Variants in UBE2E1 observed in about 807,000 individuals in gnomAD.
The protein encoded by UBE2E1 is ubiquitin conjugating enzyme E2 E1.
In UBE2E1, 6 loss-of-function variants were observed where a neutral mutation model predicts 21.4. The ratio of observed to expected loss-of-function variants is 0.28; its 90% confidence interval spans 0.15 to 0.55. The LOEUF (loss-of-function observed/expected upper bound fraction) is 0.55, where lower values mean the gene tolerates loss of function less well. Ranked by LOEUF, UBE2E1 falls within the 20% of genes least tolerant of loss-of-function variation. The pLI is 0.93. For synonymous variants in UBE2E1, 87 were observed against 82.7 expected (o/e 1.05, Z -0.28); for missense variants, 142 against 236.5 (o/e 0.60, Z 2.62).
chr3:23,869,194 G>C (rs749518212), intron 3 of UBE2E1, among the ~76,000 whole-genome samples: 10 of 152,094 alleles, frequency 6.6e-5, no homozygotes, highest in Non-Finnish European at 4.4e-5. Flanking sequence ...GTCTAAGTAA[G>C]ATTGTGCATC....
At position 23,846,093 on chromosome 3, in the gene UBE2E1, G is replaced by A. The variant is rs556547093; in HGVS notation, c.203+34583G>A. Among the ~76,000 whole-genome samples the A allele has an allele frequency of 9.2e-5, 14 of 152,220 alleles. 1 individual carries two copies. In the South Asian group the frequency reaches 1.7e-3, roughly 18 times the overall value. On this transcript the variant is annotated intron_variant, in intron 3 of 5. Transcript: ENST00000306627. ...ATCTGATAGTTAACTGTCATTCTCT[G>A]TATTATTTGGGAAAAGTTCTTACAT...
In UBE2E1 at chr3:23,810,223, TAGG is replaced by T. The variant is rs1404932766; in HGVS notation, c.153-1229_153-1227del. Among the ~76,000 whole-genome samples, 2 of 152,052 alleles carry T rather than the reference TAGG, an allele frequency of 1.3e-5. No homozygotes were observed. Among genetic ancestry groups the T allele is most frequent in the Admixed American group, 6.6e-5 (1 of 15,262 alleles). On this transcript the variant is annotated intron_variant, in intron 2 of 5. Transcript: ENST00000306627. The surrounding 1 kb of genome is among the most constrained non-coding windows in gnomAD (Gnocchi z 5.8). ...CATAGCCCCATTGGGCTTTATATGATAGGAGGAGGAAAGGTTATAAAATTAGGC... is the reference window on the plus strand; with the variant it reads ...CATAGCCCCATTGGGCTTTATATGATAGGAGGAAAGGTTATAAAATTAGGC...
chr3:23,889,684 T>C, intron 5 of UBE2E1: 6 of 985,408 alleles, frequency 6.1e-6, no homozygotes, highest in Non-Finnish European at 7.2e-6. Flanking sequence ...CACTCAATTT[T>C]GAAAATGGTA....
intron 3 of UBE2E1, among the ~76,000 whole-genome samples, chr3:23,852,284 CTTAAT>C (rs556216799): frequency 6.2e-4 from 95 of 152,106 alleles, no homozygotes; most frequent in Non-Finnish European, 1.2e-3. Flanking sequence ...TTATATTTCC[CTTAAT>C]TTATTTCAAT....
At chr3:23,855,260 C>T (rs1700409966) in intron 3 of UBE2E1, among the ~76,000 whole-genome samples, 1 of 152,142 alleles carries the variant, frequency 6.6e-6, no homozygotes. Context: ...ACCATTCTTA[C>T]TAGTTTATGT....
chr3:23,872,218 C>T (rs1175011972), intron 3 of UBE2E1, among the ~76,000 whole-genome samples: 5 of 151,952 alleles, frequency 3.3e-5, no homozygotes, highest in African/African-American at 4.8e-5. Flanking sequence ...CAAAAAAATA[C>T]GAAAACCAGT....
At chr3:23,873,193 G>T (rs1450499585) in intron 3 of UBE2E1, among the ~76,000 whole-genome samples, 1 of 152,174 alleles carries the variant, frequency 6.6e-6, no homozygotes, top group Non-Finnish European at 1.5e-5. Flanking sequence ...GTGAGAAAAT[G>T]GGAGTAAAAA....
At chr3:23,881,611 A>G (rs1162043669) in intron 3 of UBE2E1, among the ~76,000 whole-genome samples, 1 of 152,194 alleles carries the variant, frequency 6.6e-6, no homozygotes, top group South Asian at 2.1e-4. Context: ...GAGATGACCC[A>G]GTTTAGAGAA....
At chr3:23,859,577 G>C (rs1377533660) in intron 3 of UBE2E1, among the ~76,000 whole-genome samples, 2 of 152,264 alleles carry the variant, frequency 1.3e-5, no homozygotes, top group Non-Finnish European at 2.9e-5. Context: ...AGCAAATGGA[G>C]TGGCCTTTGT....
At chr3:23,878,882 A>G (rs1202492117) in intron 3 of UBE2E1, 1 of 335,116 alleles carries the variant, frequency 3.0e-6, no homozygotes, top group Non-Finnish European at 5.8e-6. Flanking sequence ...CAATAAATAC[A>G]ATGCACTTGA....
chr3:23,817,185 G>A lies in UBE2E1; in HGVS notation c.203+5675G>A, dbSNP rs148896580. 3.0e-3 allele frequency among the ~76,000 whole-genome samples: 456 copies of A among 152,268 alleles called. 3 individuals are homozygous for A. The highest frequency in any genetic ancestry group is 9.9e-3 in the African/African-American group (412 of 41,540). ...AAGCTGGGCATGGTGGCTCACGCCT[G>A]TAATCCCAGCACTTTGGGAGGCCAA... On this transcript the variant is annotated intron_variant, in intron 3 of 5. Transcript: ENST00000306627.
chr3:23,849,507 T>C (rs1006661421), intron 3 of UBE2E1, among the ~76,000 whole-genome samples: 3 of 152,132 alleles, frequency 2.0e-5, no homozygotes, highest in Non-Finnish European at 4.4e-5. Flanking sequence ...TCCCTCCCCT[T>C]ACCCCTCACC....
rs1231957926 is a variant in UBE2E1, at chr3:23,839,372, G to T, written c.203+27862G>T. ...TCAGCTACTTGGGAGGCTGAGGTAG[G>T]AGAATCACTTGAACCCAAGAGGCAG... is the stretch of plus-strand genomic sequence containing the variant. On this transcript the variant is annotated intron_variant, in intron 3 of 5. Transcript: ENST00000306627. 2.0e-5 allele frequency among the ~76,000 whole-genome samples: 3 copies of T among 151,908 alleles called. No individual in the cohort carries two copies. The East Asian group carries it at 5.8e-4, about 29-fold the overall frequency.
intron 3 of UBE2E1, among the ~76,000 whole-genome samples, chr3:23,822,313 A>G (rs1467333677): frequency 2.0e-5 from 3 of 152,230 alleles, no homozygotes; most frequent in African/African-American, 7.2e-5. Flanking sequence ...TACTCTTCCT[A>G]GTTAAAATAT....
chr3:23,872,482 A>G (rs1335270795), intron 3 of UBE2E1, among the ~76,000 whole-genome samples: 3 of 152,122 alleles, frequency 2.0e-5, no homozygotes, highest in Non-Finnish European at 2.9e-5. Flanking sequence ...TGGTTAACCA[A>G]TTACACCAAA....
chr3:23,860,742 ATATG>A (rs1268130191), intron 3 of UBE2E1, among the ~76,000 whole-genome samples: 1 of 152,236 alleles, frequency 6.6e-6, no homozygotes, highest in African/African-American at 2.4e-5. Context: ...TTTTTAAAGA[ATATG>A]AAGCCTTATT....
At chr3:23,872,144 A>G (rs539011726) in intron 3 of UBE2E1, among the ~76,000 whole-genome samples, 415 of 134,668 alleles carry the variant, frequency 3.1e-3, no homozygotes, top group African/African-American at 9.3e-3. Context: ...GCCGAGGCTG[A>G]CAAATCACTC....
chr3:23,889,001 A>T, intron 4 of UBE2E1, 111 bp from the exon 5 acceptor site: 1 of 1,074,236 alleles, frequency 9.3e-7, no homozygotes, highest in Non-Finnish European at 1.3e-6. Context: ...TATCTTCTTG[A>T]CAGCTTTAAT....
chr3:23,871,479 C>T (rs1700787397), intron 3 of UBE2E1, among the ~76,000 whole-genome samples: 1 of 151,852 alleles, frequency 6.6e-6, no homozygotes. Context: ...AGGCGCCCCT[C>T]ACCTCCCGGA....
Sources: allele counts gnomAD v4.1 joint callset (sites outside exome capture counted in the v4.1 genomes callset), GRCh38; gene constraint gnomAD v4.1.1; non-coding constraint Gnocchi (gnomAD v3.1); transcripts MANE v1.5; gene names NCBI Gene and HGNC (gene_info 2026-07-23, HGNC 2026-07-21).